Variants in TMEM132D observed in about 807,000 individuals in gnomAD.
TMEM132D encodes the protein mature OL transmembrane protein.
TMEM132D carries 21 observed loss-of-function variants against 62.3 expected under a neutral mutation model. The ratio of observed to expected loss-of-function variants is 0.34; its 90% CI spans 0.24 to 0.49. TMEM132D has a LOEUF of 0.49. Ranked by LOEUF, TMEM132D falls within the 20% of genes least tolerant of loss-of-function variation. TMEM132D has a pLI of 0.99. For synonymous variants in TMEM132D, 621 were observed against 575.6 expected, an observed-to-expected ratio of 1.08 and a Z score of -1.13; for missense variants, 1,346 against 1,402.8, an observed-to-expected ratio of 0.96 and a Z score of 0.65.
intron 1 of TMEM132D, among the ~76,000 whole-genome samples, chr12:129,844,581 C>T (rs1873300243): frequency 6.6e-6 from 1 of 152,218 alleles, no homozygotes; most frequent in Non-Finnish European, 1.5e-5. Flanking sequence ...CAGTGCTGGA[C>T]TTTCTAAGCA....
Position 129,071,767 on chromosome 12 carries a change from T to C in TMEM132D, c.*2108A>G, listed in dbSNP as rs1175578597. The C allele has an allele frequency of 6.6e-6, 1 of 152,250 alleles. No homozygotes were observed. Among genetic ancestry groups the C allele is most frequent in the Non-Finnish European group, 1.5e-5 (1 of 68,048 alleles). The allele number at this position is 152,250 out of a possible 1,614,324, so 9.4% of individuals were successfully genotyped here. On this transcript the variant is annotated 3_prime_UTR_variant, in exon 9 of 9. Transcript: ENST00000422113. ...TTTATATTTACAGTCAGTAAGTTTATAAATATATATTACATTCTTACAATC... is the reference window on the plus strand; with the variant it reads ...TTTATATTTACAGTCAGTAAGTTTACAAATATATATTACATTCTTACAATC...
rs1038112599 is a variant in TMEM132D at position 129,277,577 on chromosome 12, T to C, written c.1299+60057A>G. ...GCCATTTCAGGAATAAAGCCAGATA[T>C]TTAAAAGTTGTGCTCAGTCATGCAA... is the stretch of plus-strand genomic sequence containing the variant. On this transcript the variant is annotated intron_variant, in intron 4 of 8. Coordinates refer to ENST00000422113, the MANE Select transcript of TMEM132D (RefSeq NM_133448.3). The surrounding 1 kb of genome is among the most constrained non-coding windows in gnomAD (Gnocchi z 4.2). 1.2e-4 allele frequency among the ~76,000 whole-genome samples: 18 copies of C among 152,276 alleles called. No individual in the cohort carries two copies. Among genetic ancestry groups the C allele is most frequent in the African/African-American group, 3.9e-4 (16 of 41,478 alleles).
At chr12:129,596,624 TAATAC>T (rs1335876041) in intron 2 of TMEM132D, among the ~76,000 whole-genome samples, 1 of 152,220 alleles carries the variant, frequency 6.6e-6, no homozygotes, top group Non-Finnish European at 1.5e-5. Context: ...ATGTAATGCT[TAATAC>T]AATATAAATG....
intron 3 of TMEM132D, among the ~76,000 whole-genome samples, chr12:129,436,555 A>G (rs1357921630): frequency 1.3e-5 from 2 of 152,218 alleles, no homozygotes; most frequent in African/African-American, 4.8e-5. Context: ...CGATTCAACA[A>G]CACTGTAAGT....
intron 1 of TMEM132D, among the ~76,000 whole-genome samples, chr12:129,894,248 A>G (rs1330188282): frequency 6.6e-6 from 1 of 152,216 alleles, no homozygotes; most frequent in Non-Finnish European, 1.5e-5. Context: ...ACTCCCATTT[A>G]TAAAACCATT....
chr12:129,105,016 T>TA lies in TMEM132D; in HGVS notation c.1444-20315dup, dbSNP rs984417446. On this transcript the variant is annotated intron_variant, in intron 5 of 8. Transcript: ENST00000422113. ...CTCAGGGATCTAGAACTGGAAATAC[T>TA]ATTTGACCCAGCCATCCCATTACTG... Among the ~76,000 whole-genome samples, 7 of 144,746 alleles carry TA rather than the reference T, an allele frequency of 4.8e-5. 1 individual carries two copies. Among genetic ancestry groups the TA allele is most frequent in the African/African-American group, 1.9e-4 (7 of 36,880 alleles). The allele number at this position is 144,746 out of a possible 152,430, so 95.0% of individuals were successfully genotyped here. A position where few individuals can be genotyped will look rare whatever the true frequency, so the allele number is the denominator to read the frequency against.
intron 2 of TMEM132D, among the ~76,000 whole-genome samples, chr12:129,556,474 T>C (rs186973648): frequency 2.1e-4 from 32 of 151,822 alleles, no homozygotes; most frequent in African/African-American, 7.5e-4. Flanking sequence ...AGCTTTTTTT[T>C]TTCCCCCAGA....
intron 5 of TMEM132D, among the ~76,000 whole-genome samples, chr12:129,097,385 CTAAA>C (rs1016278866): frequency 1.3e-5 from 2 of 152,186 alleles, no homozygotes; most frequent in African/African-American, 4.8e-5. Context: ...AGGGGACTCT[CTAAA>C]TGAATGCACA....
At chr12:129,589,570 C>T (rs902135477) in intron 2 of TMEM132D, among the ~76,000 whole-genome samples, 13 of 152,108 alleles carry the variant, frequency 8.5e-5, no homozygotes, top group African/African-American at 3.1e-4. Flanking sequence ...CGTGTAGACC[C>T]CCACACATAT....
intron 3 of TMEM132D, among the ~76,000 whole-genome samples, chr12:129,381,811 T>C (rs1870963615): frequency 6.6e-6 from 1 of 152,208 alleles, no homozygotes. Flanking sequence ...AATCAGCATC[T>C]GCACCAAATC....
chr12:129,268,470 G>C (rs1477173816), intron 4 of TMEM132D, among the ~76,000 whole-genome samples: 3 of 152,284 alleles, frequency 2.0e-5, no homozygotes, highest in East Asian at 1.9e-4. Flanking sequence ...AAATGCAAAT[G>C]AAAATCACAA....
At chr12:129,575,030 G>A (rs1452846035) in intron 2 of TMEM132D, among the ~76,000 whole-genome samples, 1 of 151,590 alleles carries the variant, frequency 6.6e-6, no homozygotes, top group African/African-American at 2.4e-5. Context: ...CTCTCTCATC[G>A]GATCTGCTTG....
At chr12:129,561,167 G>C (rs559568301) in intron 2 of TMEM132D, among the ~76,000 whole-genome samples, 1 of 152,296 alleles carries the variant, frequency 6.6e-6, no homozygotes, top group East Asian at 1.9e-4. Context: ...GATACTTAAG[G>C]TGGAACGTAA....
chr12:129,552,045 C>G (rs974578308), intron 2 of TMEM132D, among the ~76,000 whole-genome samples: 3 of 152,206 alleles, frequency 2.0e-5, no homozygotes, highest in East Asian at 3.9e-4. Context: ...AAATTCCTTC[C>G]TACAAAATCA....
intron 2 of TMEM132D, among the ~76,000 whole-genome samples, chr12:129,643,470 G>A (rs1207370159): frequency 1.3e-5 from 2 of 152,186 alleles, no homozygotes; most frequent in Non-Finnish European, 2.9e-5. Context: ...GCTGGCCACA[G>A]TAGAAACTGT....
chr12:129,670,375 A>T (rs1200663607), intron 2 of TMEM132D, among the ~76,000 whole-genome samples: 2 of 151,982 alleles, frequency 1.3e-5, no homozygotes, highest in African/African-American at 4.8e-5. Flanking sequence ...CAAGATTCTG[A>T]CCCTCCCTAA....
chr12:129,630,600 C>G (rs569868193), intron 2 of TMEM132D, among the ~76,000 whole-genome samples: 1 of 152,086 alleles, frequency 6.6e-6, no homozygotes, highest in Non-Finnish European at 1.5e-5. Context: ...GCCATGATAT[C>G]TGTTATTCAA....
At chr12:129,757,758 A>C (rs184239628) in intron 1 of TMEM132D, among the ~76,000 whole-genome samples, 13 of 152,294 alleles carry the variant, frequency 8.5e-5, no homozygotes, top group African/African-American at 2.9e-4. Context: ...ATGCAAATAT[A>C]ATCATGTCTC....
At chr12:129,457,454 G>C (rs1331005046) in intron 3 of TMEM132D, among the ~76,000 whole-genome samples, 3 of 142,328 alleles carry the variant, frequency 2.1e-5, no homozygotes. Context: ...GTAGGGGGGA[G>C]GGGAGAGGGA....
Sources: gnomAD v4.1 joint callset for allele counts (sites outside exome capture counted in the v4.1 genomes callset) on GRCh38, gnomAD v4.1.1 for gene constraint, Gnocchi (gnomAD v3.1) non-coding constraint, MANE v1.5 for transcripts, NCBI Gene and HGNC (gene_info 2026-07-23, HGNC 2026-07-21) for gene names.